TMEM132B: variants seen among roughly 807,000 people sequenced by gnomAD.
TMEM132B encodes transmembrane protein 132B.
TMEM132B carries 18 observed loss-of-function variants against 90.8 expected under a neutral mutation model. The observed-to-expected ratio is 0.20, with a 90% CI of 0.14 to 0.29. The LOEUF (loss-of-function observed/expected upper bound fraction) is 0.29. Ranked by LOEUF, TMEM132B falls within the 10% of genes least tolerant of loss-of-function variation. The pLI is 1.00. For synonymous variants in TMEM132B, 504 were observed against 523.3 expected (o/e 0.96, Z 0.50); for missense variants, 1,096 against 1,326.8 (o/e 0.83, Z 2.70).
intron 1 of TMEM132B, among the ~76,000 whole-genome samples, chr12:125,284,803 G>C (rs377713504): frequency 1.3e-5 from 2 of 152,296 alleles, no homozygotes; most frequent in East Asian, 3.9e-4. Context: ...TGGACAGGCA[G>C]GGCCATATTC....
At chr12:125,201,436 C>G (rs1460206766) in intron 1 of TMEM132B, among the ~76,000 whole-genome samples, 1 of 152,248 alleles carries the variant, frequency 6.6e-6, no homozygotes, top group East Asian at 1.9e-4. Context: ...TCTTTCTTCA[C>G]GAAAGATTTA....
chr12:125,332,182 A>G (rs545934255), intron 1 of TMEM132B, among the ~76,000 whole-genome samples: 1 of 152,248 alleles, frequency 6.6e-6, no homozygotes, highest in Non-Finnish European at 1.5e-5. Flanking sequence ...TAATCCATGT[A>G]TCAGAACATG....
At chr12:125,529,986 G>A (rs935704401) in intron 4 of TMEM132B, among the ~76,000 whole-genome samples, 4 of 152,124 alleles carry the variant, frequency 2.6e-5, no homozygotes, top group Non-Finnish European at 5.9e-5. Context: ...CTGTGATTGT[G>A]CCACCACACT....
intron 5 of TMEM132B, among the ~76,000 whole-genome samples, chr12:125,592,208 A>T (rs1885333120): frequency 1.3e-5 from 2 of 152,184 alleles, no homozygotes; most frequent in Non-Finnish European, 2.9e-5. Flanking sequence ...GGATGGCTTC[A>T]TGTTTTCATG....
rs912254468 is a variant in TMEM132B, at chr12:125,406,023, T to C, written c.960-9508T>C. Among the ~76,000 whole-genome samples, 1 of 152,174 alleles carries C rather than the reference T, an allele frequency of 6.6e-6. No homozygotes were observed. The highest frequency in any genetic ancestry group is 1.5e-5 in the Non-Finnish European group (1 of 68,028). On this transcript the variant is annotated intron_variant, in intron 2 of 8. Coordinates refer to ENST00000682704, the MANE Select transcript of TMEM132B (RefSeq NM_001366854.1). This position sits in a 1 kb window ranked among gnomAD's most constrained non-coding sequence, Gnocchi z 8.3. Reference sequence around the variant, plus strand: ...AATTCAGGTTGTAGCTTTCCTTGCTTTTTTTTGGAATATTTATTAGTTCAG... The same window carrying C: ...AATTCAGGTTGTAGCTTTCCTTGCTCTTTTTTGGAATATTTATTAGTTCAG...
At chr12:125,289,747 T>C (rs879832314) in intron 1 of TMEM132B, among the ~76,000 whole-genome samples, 2 of 152,238 alleles carry the variant, frequency 1.3e-5, no homozygotes, top group Non-Finnish European at 2.9e-5. Flanking sequence ...GTCACTTGAC[T>C]GAGGTCACAC....
chr12:125,307,580 G>A (rs1468562163), intron 1 of TMEM132B, among the ~76,000 whole-genome samples: 1 of 151,790 alleles, frequency 6.6e-6, no homozygotes, highest in Non-Finnish European at 1.5e-5. Flanking sequence ...TATTATTACT[G>A]TTTATCTGTG....
intron 2 of TMEM132B, among the ~76,000 whole-genome samples, chr12:125,388,144 T>G (rs891955739): frequency 6.6e-6 from 1 of 152,154 alleles, no homozygotes. Context: ...AAACCTATTG[T>G]CGCCCGGGTG....
At chr12:125,621,204 T>C (rs1027815715) in intron 5 of TMEM132B, among the ~76,000 whole-genome samples, 1 of 151,906 alleles carries the variant, frequency 6.6e-6, no homozygotes, top group Non-Finnish European at 1.5e-5. Context: ...AAAAGTAAAA[T>C]GGGGGCACAT....
intron 3 of TMEM132B, among the ~76,000 whole-genome samples, chr12:125,435,130 A>G (rs1243033837): frequency 1.3e-5 from 2 of 152,182 alleles, no homozygotes; most frequent in Non-Finnish European, 2.9e-5. Context: ...GTTCCCTGAC[A>G]TATCTTGCTC....
chr12:125,351,455 C>T (rs868582417), intron 2 of TMEM132B, among the ~76,000 whole-genome samples: 7 of 152,010 alleles, frequency 4.6e-5, no homozygotes, highest in Non-Finnish European at 7.4e-5. Flanking sequence ...GAGTGGAATA[C>T]GGGGGCAGAC....
intron 4 of TMEM132B, among the ~76,000 whole-genome samples, chr12:125,525,856 A>G (rs1883439743): frequency 6.6e-6 from 1 of 152,198 alleles, no homozygotes; most frequent in South Asian, 2.1e-4. Context: ...CCAGGGTGGC[A>G]TCTGGATTGG....
At chr12:125,333,314 C>T (rs1876851104) in intron 1 of TMEM132B, among the ~76,000 whole-genome samples, 2 of 152,162 alleles carry the variant, frequency 1.3e-5, no homozygotes, top group Admixed American at 1.3e-4. Flanking sequence ...ATCTTGAAAA[C>T]CTTAACTTAA....
At chr12:125,465,000 T>C (rs899123087) in intron 3 of TMEM132B, among the ~76,000 whole-genome samples, 7 of 152,238 alleles carry the variant, frequency 4.6e-5, no homozygotes, top group African/African-American at 1.7e-4. Flanking sequence ...TGAAATGATT[T>C]TCCAATTTGC....
At chr12:125,435,791 C>T (rs1227541163) in intron 3 of TMEM132B, among the ~76,000 whole-genome samples, 1 of 152,084 alleles carries the variant, frequency 6.6e-6, no homozygotes, top group Admixed American at 6.5e-5. Context: ...AGGTGCTGGA[C>T]TGGAGGCCTG....
intron 1 of TMEM132B, among the ~76,000 whole-genome samples, chr12:125,231,893 C>G (rs921130281): frequency 1.1e-4 from 17 of 151,772 alleles, no homozygotes; most frequent in African/African-American, 3.4e-4. Context: ...GTCCCCCCCC[C>G]ACCAAAACTC....
intron 1 of TMEM132B, among the ~76,000 whole-genome samples, chr12:125,249,795 G>A (rs556722412): frequency 6.6e-6 from 1 of 152,342 alleles, no homozygotes; most frequent in South Asian, 2.1e-4. Flanking sequence ...TCTGACAATG[G>A]GAAGGGTGGG....
rs543562178 is a variant in TMEM132B at position 125,350,413 on chromosome 12, A to C, written c.959+70A>C. 2.0e-6 allele frequency: 3 copies of C among 1,494,336 alleles called. No individual in the cohort carries two copies. In the East Asian group the frequency reaches 6.8e-5, roughly 34 times the overall value. 92.6% of individuals were successfully genotyped at this position (1,494,336 alleles called of 1,614,324 possible). On this transcript the variant is annotated intron_variant, in intron 2 of 8. Transcript: ENST00000682704. Reference sequence around the variant, plus strand: ...GTAATCAATGAATTGTCAATGAATAAAATGGGTGTTGATCATTTGCTGACT... The same window carrying C: ...GTAATCAATGAATTGTCAATGAATACAATGGGTGTTGATCATTTGCTGACT...
intron 3 of TMEM132B, among the ~76,000 whole-genome samples, chr12:125,417,338 C>G (rs570512146): frequency 6.6e-6 from 1 of 152,274 alleles, no homozygotes; most frequent in East Asian, 1.9e-4. Flanking sequence ...TGCTTTTGCC[C>G]GAGAGGCAGG....
Sources: allele counts gnomAD v4.1 joint callset (sites outside exome capture counted in the v4.1 genomes callset), GRCh38; gene constraint gnomAD v4.1.1; non-coding constraint Gnocchi (gnomAD v3.1); transcripts MANE v1.5; gene names NCBI Gene and HGNC (gene_info 2026-07-23, HGNC 2026-07-21).